SUGCT: variants seen among roughly 807,000 people sequenced by gnomAD.
SUGCT encodes succinyl-CoA:glutarate-CoA transferase, also known as succinyl-CoA:glutarate CoA-transferase.
SUGCT carries 41 observed loss-of-function variants against 55.0 expected under a neutral mutation model. That is an observed-to-expected ratio of 0.74 (90% confidence interval 0.58 to 0.97). The LOEUF (loss-of-function observed/expected upper bound fraction) is 0.97. Ranked by LOEUF, SUGCT falls within the 50% of genes least tolerant of loss-of-function variation. SUGCT has a pLI of 0.00. For synonymous variants in SUGCT, 187 were observed against 200.4 expected, an observed-to-expected ratio of 0.93 and a Z score of 0.56; for missense variants, 568 against 547.8, an observed-to-expected ratio of 1.04 and a Z score of -0.37.
intron 13 of SUGCT, among the ~76,000 whole-genome samples, chr7:40,792,613 T>G (rs1322160019): frequency 6.6e-6 from 1 of 152,114 alleles, no homozygotes; most frequent in Non-Finnish European, 1.5e-5. Flanking sequence ...AAACAAAGTC[T>G]CTTCTTGAAA....
the SUGCT span, among the ~76,000 whole-genome samples, chr7:40,997,883 C>T: frequency 6.6e-6 from 1 of 152,136 alleles, no homozygotes; most frequent in Non-Finnish European, 1.5e-5. Flanking sequence ...GCTTCATTTC[C>T]TGTCTTGACA....
chr7:40,488,542 T>G (rs1791510710), intron 11 of SUGCT, among the ~76,000 whole-genome samples: 1 of 152,208 alleles, frequency 6.6e-6, no homozygotes, highest in African/African-American at 2.4e-5. Flanking sequence ...ATATTCTGAA[T>G]TTGATTGTGT....
chr7:40,135,918 A>G (rs530136788), intron 1 of SUGCT, among the ~76,000 whole-genome samples: 7 of 151,876 alleles, frequency 4.6e-5, no homozygotes, highest in Admixed American at 1.3e-4. Context: ...CGGCCTCCCA[A>G]AGTGTTGAGA....
the SUGCT span, among the ~76,000 whole-genome samples, chr7:41,002,138 AG>A: frequency 1.3e-5 from 2 of 152,254 alleles, no homozygotes; most frequent in African/African-American, 4.8e-5. Context: ...CTCCTGCCTC[AG>A]CCTCCTGAGT....
At chr7:40,527,759 A>T (rs1240940005) in intron 12 of SUGCT, among the ~76,000 whole-genome samples, 1 of 152,184 alleles carries the variant, frequency 6.6e-6, no homozygotes, top group Non-Finnish European at 1.5e-5. Context: ...TCATTAGATG[A>T]TTCATGCTTA....
chr7:40,555,879 A>G (rs1304158763), intron 12 of SUGCT, among the ~76,000 whole-genome samples: 4 of 152,010 alleles, frequency 2.6e-5, no homozygotes, highest in Admixed American at 6.5e-5. Flanking sequence ...TACATCTTTA[A>G]TGATGTTTTT....
At chr7:40,398,460 T>G (rs1785868193) in intron 9 of SUGCT, among the ~76,000 whole-genome samples, 1 of 151,644 alleles carries the variant, frequency 6.6e-6, no homozygotes, top group Non-Finnish European at 1.5e-5. Flanking sequence ...AAAGCCCCAG[T>G]AGGATTGCAT....
chr7:40,216,971 G>T (rs926190318), intron 6 of SUGCT, among the ~76,000 whole-genome samples: 1 of 152,026 alleles, frequency 6.6e-6, no homozygotes, highest in African/African-American at 2.4e-5. Flanking sequence ...TTTTCTTTGT[G>T]GTGTTCTTTT....
At chr7:40,586,834 G>A (rs926646806) in intron 12 of SUGCT, among the ~76,000 whole-genome samples, 2 of 152,186 alleles carry the variant, frequency 1.3e-5, no homozygotes, top group African/African-American at 4.8e-5. Context: ...ATACTGTGCT[G>A]CCTTATGATC....
the SUGCT span, among the ~76,000 whole-genome samples, chr7:40,878,106 A>G: frequency 6.6e-6 from 1 of 152,114 alleles, no homozygotes; most frequent in African/African-American, 2.4e-5. Context: ...TTTTAAAACC[A>G]GGGCAGGGTA....
chr7:41,001,363 A>T, the SUGCT span, among the ~76,000 whole-genome samples: 1 of 152,160 alleles, frequency 6.6e-6, no homozygotes. Flanking sequence ...ATTTGGTGGC[A>T]TAAGCGTTCT....
the SUGCT span, among the ~76,000 whole-genome samples, chr7:41,020,685 C>G: frequency 6.6e-6 from 1 of 152,134 alleles, no homozygotes; most frequent in Non-Finnish European, 1.5e-5. Context: ...GTGATGTCTT[C>G]TATAGGAAGT....
intron 12 of SUGCT, among the ~76,000 whole-genome samples, chr7:40,703,952 A>G (rs1785280107): frequency 1.3e-5 from 2 of 152,232 alleles, no homozygotes; most frequent in African/African-American, 4.8e-5. Context: ...AGCGTGGTCT[A>G]ACTATAGGAG....
intron 9 of SUGCT, among the ~76,000 whole-genome samples, chr7:40,404,384 C>T (rs1786245858): frequency 6.6e-6 from 1 of 151,460 alleles, no homozygotes. Flanking sequence ...ATTCTCTAGT[C>T]TTTATTTGTC....
intron 12 of SUGCT, among the ~76,000 whole-genome samples, chr7:40,534,956 A>C (rs1794284364): frequency 6.6e-6 from 1 of 152,188 alleles, no homozygotes; most frequent in East Asian, 1.9e-4. Context: ...TTTATTTATA[A>C]GATTTTTTAA....
At chr7:40,599,974 C>T (rs76489706) in intron 12 of SUGCT, among the ~76,000 whole-genome samples, 3,465 of 152,218 alleles carry the variant, frequency 0.023, 129 homozygotes, top group African/African-American at 0.08. Flanking sequence ...CACCAGGTCA[C>T]ATGTGAGGAG....
At chr7:40,977,650 A>G in the SUGCT span, among the ~76,000 whole-genome samples, 1 of 152,216 alleles carries the variant, frequency 6.6e-6, no homozygotes, top group Non-Finnish European at 1.5e-5. Flanking sequence ...ACTCCCTCTC[A>G]CAAGGAAGTT....
chr7:40,561,413 C>T (rs1457815195), intron 12 of SUGCT, among the ~76,000 whole-genome samples: 1 of 152,146 alleles, frequency 6.6e-6, no homozygotes, highest in Non-Finnish European at 1.5e-5. Context: ...CATGGTAGTA[C>T]CACTCATTTT....
chr7:40,369,095 C>G (rs1002133051), intron 9 of SUGCT, among the ~76,000 whole-genome samples: 9 of 149,642 alleles, frequency 6.0e-5, no homozygotes, highest in African/African-American at 2.2e-4. Flanking sequence ...CAGAGCGAGA[C>G]TCTATCTTAA....
Sources: allele counts gnomAD v4.1 joint callset (sites outside exome capture counted in the v4.1 genomes callset), GRCh38; gene constraint gnomAD v4.1.1; transcripts MANE v1.5; gene names NCBI Gene and HGNC (gene_info 2026-07-23, HGNC 2026-07-21).